Variants in ZNF385C observed in about 807,000 individuals in gnomAD.
ZNF385C encodes the protein CTD-2132N18.2.
A neutral mutation model predicts 35.4 loss-of-function variants in ZNF385C; 28 were observed. That is an observed-to-expected ratio of 0.79 (90% confidence interval 0.59 to 1.08). The LOEUF is 1.08. ZNF385C is among the 50% of genes least tolerant of loss of function. The pLI is 0.00. For synonymous variants in ZNF385C, 248 were observed against 248.2 expected (o/e 1.00, Z 0.01); for missense variants, 605 against 595.6 (o/e 1.02, Z -0.16).
chr17:42,048,901 C>T (rs2053226352), intron 2 of ZNF385C, among the ~76,000 whole-genome samples: 2 of 151,094 alleles, frequency 1.3e-5, no homozygotes, highest in South Asian at 2.1e-4. Context: ...GAGATCATGC[C>T]ACCGCACTCC....
intron 2 of ZNF385C, chr17:42,040,609 A>G: frequency 1.6e-6 from 2 of 1,232,358 alleles, no homozygotes; most frequent in Non-Finnish European, 2.0e-6. Flanking sequence ...TGCAGCCTCC[A>G]GGGTGGGCAC....
intron 2 of ZNF385C, chr17:42,038,818 C>T (rs1457418718): frequency 6.6e-6 from 1 of 152,242 alleles, no homozygotes; most frequent in Non-Finnish European, 1.5e-5. Flanking sequence ...AAGGGAACCA[C>T]TATCTCTCTG....
At position 42,062,796 on chromosome 17, in the gene ZNF385C, T is replaced by G. The variant is rs1555658098; in HGVS notation, c.250+11A>C. ...CCAAATTTGTGGGAGCAGCGTCCCC[T>G]CTACACTGACCTGGCCCTGAGGGGC... On this transcript the variant is annotated intron_variant, in intron 2 of 8. Transcript: ENST00000692273. 1 of 584,008 alleles carries G rather than the reference T, an allele frequency of 1.7e-6. No individual in the cohort carries two copies. The highest frequency in any genetic ancestry group is 3.0e-6 in the Non-Finnish European group (1 of 327,924). The allele number at this position is 584,008 out of a possible 1,614,324, so 36.2% of individuals were successfully genotyped here. A position where few individuals can be genotyped will look rare whatever the true frequency, so the allele number is the denominator to read the frequency against.
In ZNF385C at chr17:42,061,207, A is replaced by ATTTTTTTTTTTTTTTT. The variant is rs10617911; in HGVS notation, c.250+1584_250+1599dup. On this transcript the variant is annotated intron_variant, in intron 2 of 8. Coordinates refer to ENST00000692273, the MANE Select transcript of ZNF385C (RefSeq NM_001392013.1). ...AAATATTTGGTGAATTAATGAGTTA[A>ATTTTTTTTTTTTTTTT]TTTTTTTTTTTTTTTTTTTTTTTTT... is the stretch of plus-strand genomic sequence containing the variant. 20 of 57,508 alleles carry ATTTTTTTTTTTTTTTT rather than the reference A, an allele frequency of 3.5e-4. 4 individuals carry two copies. The highest frequency in any genetic ancestry group is 2.5e-3 in the South Asian group (2 of 806). The allele number at this position is 57,508 out of a possible 1,614,324, so 3.6% of individuals were successfully genotyped here.
chr17:42,027,062 G>A lies in ZNF385C; in HGVS notation c.1347C>T (p.Thr449=), dbSNP rs546392907. 12 of 1,610,192 alleles carry A rather than the reference G, an allele frequency of 7.5e-6. No individual in the cohort carries two copies. Among genetic ancestry groups the A allele is most frequent in the Middle Eastern group, 1.7e-4 (1 of 5,916 alleles). The change falls in exon 9 of 9, where the codon ACC becomes ACT. Residue 449 remains threonine (T), a synonymous_variant. Coordinates refer to ENST00000692273, the MANE Select transcript of ZNF385C (RefSeq NM_001392013.1). ...GCAGAGCACAGATGGCAGTGGCTGC[G>A]GTGGGGAGCGGGCTGGGCAGGAAGC... ...AARFLPSPLP[T]AATAICALPG... is the part of the protein sequence containing the mutation.
intron 2 of ZNF385C, chr17:42,042,886 A>AGCAGT: frequency 8.1e-7 from 1 of 1,232,326 alleles, no homozygotes; most frequent in Non-Finnish European, 1.0e-6. Flanking sequence ...CTCTGTGCCC[A>AGCAGT]GCAGTGCCTG....
chr17:42,062,761 A>G (rs1555658093), intron 2 of ZNF385C, 46 bp downstream of exon 2: 2 of 504,786 alleles, frequency 4.0e-6, no homozygotes, highest in Non-Finnish European at 7.0e-6. Flanking sequence ...AGACAGAGAT[A>G]CTCCCCAAAC....
intron 2 of ZNF385C, chr17:42,039,947 C>A: frequency 8.1e-7 from 1 of 1,231,182 alleles, no homozygotes; most frequent in Non-Finnish European, 1.0e-6. Flanking sequence ...GCGGCGAAGT[C>A]GGGGAAGAGC....
Position 42,025,641 on chromosome 17 carries a change from A to C in ZNF385C, c.*1256T>G, listed in dbSNP as rs1370890246. On this transcript the variant is annotated 3_prime_UTR_variant, in exon 9 of 9. Transcript: ENST00000692273. ...AATAAAACCACAATTGTTATCAAAAAGTTTCCCTCCCCTCCCCCTTTTTCT... is the reference window on the plus strand; with the variant it reads ...AATAAAACCACAATTGTTATCAAAACGTTTCCCTCCCCTCCCCCTTTTTCT... 3 of 152,610 alleles carry C rather than the reference A, an allele frequency of 2.0e-5. No individual in the cohort carries two copies. Among genetic ancestry groups the C allele is most frequent in the African/African-American group, 7.2e-5 (3 of 41,420 alleles). The allele number at this position is 152,610 out of a possible 1,614,324, so 9.5% of individuals were successfully genotyped here. A position where few individuals can be genotyped will look rare whatever the true frequency, so the allele number is the denominator to read the frequency against.
rs1236329405 is a variant in ZNF385C, at chr17:42,026,043, TAAG to T, written c.*851_*853del. The stretch of plus-strand genomic sequence containing the variant: ...GGGGTTCAGGAAGTCAGAGAAAGGC[TAAG>T]AAGAAGAGCTTCTGAGGGATGAGTT... On this transcript the variant is annotated 3_prime_UTR_variant, in exon 9 of 9. Coordinates refer to ENST00000692273, the MANE Select transcript of ZNF385C (RefSeq NM_001392013.1). The T allele has an allele frequency of 5.9e-4, 90 of 152,248 alleles. No individual in the cohort carries two copies. Among genetic ancestry groups the T allele is most frequent in the African/African-American group, 2.0e-3 (81 of 41,506 alleles). 9.4% of individuals were successfully genotyped at this position (152,248 alleles called of 1,614,324 possible).
chr17:42,086,433 G>T (rs1204457230), intron 1 of ZNF385C, among the ~76,000 whole-genome samples: 1 of 151,668 alleles, frequency 6.6e-6, no homozygotes, highest in Non-Finnish European at 1.5e-5. Flanking sequence ...CAGGCGCAGT[G>T]GCTCACGCCT....
chr17:42,043,302 C>T, intron 2 of ZNF385C: 5 of 1,232,258 alleles, frequency 4.1e-6, no homozygotes, highest in Non-Finnish European at 4.0e-6. Context: ...CTTTCCAGTG[C>T]TCGTTGAAGT....
chr17:42,033,776 A>G (rs1418735801), intron 4 of ZNF385C, among the ~76,000 whole-genome samples: 1 of 152,024 alleles, frequency 6.6e-6, no homozygotes, highest in Non-Finnish European at 1.5e-5. Context: ...AAACAAAAAA[A>G]TCCCGCCTCC....
In ZNF385C at chr17:42,026,624, T is replaced by C; in HGVS notation, c.*273A>G. 1 of 514,580 alleles carries C rather than the reference T, an allele frequency of 1.9e-6. No homozygotes were observed. Among genetic ancestry groups the C allele is most frequent in the Non-Finnish European group, 3.5e-6 (1 of 284,588 alleles). The allele number at this position is 514,580 out of a possible 1,614,324, so 31.9% of individuals were successfully genotyped here. The stretch of plus-strand genomic sequence containing the variant: ...GGTGGAGGAAAGTGAGAGCACCACA[T>C]GGCTGGGGCTGAGATTTTGCATAGA... On this transcript the variant is annotated 3_prime_UTR_variant, in exon 9 of 9. Transcript: ENST00000692273.
intron 1 of ZNF385C, among the ~76,000 whole-genome samples, chr17:42,075,639 C>T (rs1002160117): frequency 2.0e-5 from 3 of 151,956 alleles, no homozygotes; most frequent in Non-Finnish European, 2.9e-5. Flanking sequence ...GGACTACAGG[C>T]GCCCACCACC....
chr17:42,041,266 G>T (rs949261780), intron 2 of ZNF385C: 5 of 1,183,350 alleles, frequency 4.2e-6, no homozygotes, highest in Non-Finnish European at 5.3e-6. Context: ...GCAGTGCGGG[G>T]TGGTGGAAAG....
rs2052952183 is a variant in ZNF385C, at chr17:42,039,532, G to A, written c.251-1647C>T. 8.0e-6 allele frequency: 3 copies of A among 375,948 alleles called. No individual in the cohort carries two copies. The Admixed American group carries it at 3.2e-4, about 40-fold the overall frequency. 23.3% of individuals were successfully genotyped at this position (375,948 alleles called of 1,614,324 possible). Reference sequence around the variant, plus strand: ...TCTTGAGCCAGTCCCTTCCTCCACAGCCCACAGGGTGGGGGGGGTTGGTGG... The same window carrying A: ...TCTTGAGCCAGTCCCTTCCTCCACAACCCACAGGGTGGGGGGGGTTGGTGG... On this transcript the variant is annotated intron_variant, in intron 2 of 8. Transcript: ENST00000692273.
intron 1 of ZNF385C, among the ~76,000 whole-genome samples, chr17:42,063,614 G>A (rs1432980572): frequency 2.6e-5 from 4 of 152,112 alleles, no homozygotes; most frequent in African/African-American, 4.8e-5. Flanking sequence ...GTCTACACAC[G>A]GGGAGGCCAA....
At position 42,027,069 on chromosome 17, in the gene ZNF385C, A is replaced by T; in HGVS notation, c.1340T>A (p.Leu447His). 2 of 1,609,682 alleles carry T rather than the reference A, an allele frequency of 1.2e-6. No individual in the cohort carries two copies. The highest frequency in any genetic ancestry group is 1.7e-6 in the Non-Finnish European group (2 of 1,178,094). ...TLAARFLPSP[L>H]PTAATAICAL... is the part of the protein sequence containing the mutation. ...ACAGATGGCAGTGGCTGCGGTGGGG[A>T]GCGGGCTGGGCAGGAAGCGGGCTGC... The change falls in exon 9 of 9, where the codon CTC becomes CAC. Residue 447 changes from leucine (L) to histidine (H), a missense_variant. Leu to His is a moderately conservative substitution (Grantham distance 99). Transcript: ENST00000692273.
Sources: gnomAD v4.1 joint callset for allele counts (sites outside exome capture counted in the v4.1 genomes callset) on GRCh38, gnomAD v4.1.1 for gene constraint, MANE v1.5 for transcripts, NCBI Gene and HGNC (gene_info 2026-07-23, HGNC 2026-07-21) for gene names.